The following GALNT17 variants were observed in gnomAD, a reference collection of about 807,000 sequenced individuals.
The protein encoded by GALNT17 is UDP-GalNAc:polypeptide N-acetylgalactosaminyltransferase-like 3.
GALNT17 carries 29 observed loss-of-function variants against 63.7 expected under a neutral mutation model. The ratio of observed to expected loss-of-function variants is 0.46; its 90% CI spans 0.34 to 0.62. GALNT17 has a LOEUF of 0.62. Ranked by LOEUF, GALNT17 falls within the 20% of genes least tolerant of loss-of-function variation. The pLI, the probability that GALNT17 is intolerant of heterozygous loss-of-function variation, is 0.01. For synonymous variants in GALNT17, 305 were observed against 318.3 expected, an observed-to-expected ratio of 0.96 and a Z score of 0.45; for missense variants, 603 against 799.6, an observed-to-expected ratio of 0.75 and a Z score of 2.97.
Position 71,303,138 on chromosome 7 carries a change from C to T in GALNT17, c.239-32412C>T, listed in dbSNP as rs991541243. ...TCAGCCTCCCAAATTGCTGAGATTA[C>T]AGGCATGAGCCACTGCACCCAGCCT... On this transcript the variant is annotated intron_variant, in intron 1 of 10. Transcript: ENST00000333538. 2.7e-5 allele frequency among the ~76,000 whole-genome samples: 4 copies of T among 148,808 alleles called. No homozygotes were observed. The Admixed American group carries it at 2.8e-4, about 10-fold the overall frequency.
intron 1 of GALNT17, among the ~76,000 whole-genome samples, chr7:71,302,755 A>G (rs984645778): frequency 7.2e-5 from 11 of 152,168 alleles, no homozygotes; most frequent in Non-Finnish European, 1.5e-4. Context: ...AGTCTGTTGA[A>G]CTTCCCCCTT....
intron 5 of GALNT17, among the ~76,000 whole-genome samples, chr7:71,425,125 G>A (rs964019700): frequency 6.6e-6 from 1 of 152,204 alleles, no homozygotes; most frequent in Non-Finnish European, 1.5e-5. Flanking sequence ...AAGGCCGATT[G>A]TAAGGGTAAG....
chr7:71,473,276 T>C (rs911397654), intron 5 of GALNT17, among the ~76,000 whole-genome samples: 1 of 152,296 alleles, frequency 6.6e-6, no homozygotes, highest in African/African-American at 2.4e-5. Flanking sequence ...AGAGAATAGA[T>C]GTTAAATATC....
chr7:71,254,639 T>G (rs1259865523), intron 1 of GALNT17, among the ~76,000 whole-genome samples: 1 of 152,070 alleles, frequency 6.6e-6, no homozygotes, highest in East Asian at 1.9e-4. Flanking sequence ...CCCATCATGG[T>G]CTCACCTAGT....
At chr7:71,491,084 C>T (rs1456932199) in intron 5 of GALNT17, among the ~76,000 whole-genome samples, 1 of 150,916 alleles carries the variant, frequency 6.6e-6, no homozygotes, top group East Asian at 2.0e-4. Context: ...ATCCCAGCTA[C>T]TAGGGAGGCT....
At chr7:71,684,008 CA>C (rs5741642) in intron 9 of GALNT17, among the ~76,000 whole-genome samples, 66,429 of 121,070 alleles carry the variant, frequency 0.55, 18,124 homozygotes, top group East Asian at 0.96. Flanking sequence ...CACTCTGTCT[CA>C]AAAAAAAAAA....
At chr7:71,588,822 A>G (rs1789757732) in intron 6 of GALNT17, among the ~76,000 whole-genome samples, 1 of 152,062 alleles carries the variant, frequency 6.6e-6, no homozygotes, top group Non-Finnish European at 1.5e-5. Flanking sequence ...GGTGATTACT[A>G]TTATTGCTAC....
chr7:71,543,725 G>C (rs1248236671), intron 5 of GALNT17, among the ~76,000 whole-genome samples: 1 of 150,168 alleles, frequency 6.7e-6, no homozygotes, highest in Admixed American at 6.6e-5. Flanking sequence ...CTTATCTGCT[G>C]TCCTGCAAAC....
intron 6 of GALNT17, among the ~76,000 whole-genome samples, chr7:71,625,426 G>T (rs915880495): frequency 2.0e-5 from 3 of 152,086 alleles, no homozygotes; most frequent in Non-Finnish European, 4.4e-5. Flanking sequence ...GATTATAGGC[G>T]TGAGCCACCG....
chr7:71,218,749 G>A (rs2116414815), intron 1 of GALNT17, among the ~76,000 whole-genome samples: 1 of 152,074 alleles, frequency 6.6e-6, no homozygotes, highest in South Asian at 2.1e-4. Flanking sequence ...TGAAACCTTT[G>A]TGAACTGTGC....
intron 9 of GALNT17, among the ~76,000 whole-genome samples, chr7:71,696,689 C>T (rs1046149917): frequency 6.6e-6 from 1 of 152,030 alleles, no homozygotes; most frequent in African/African-American, 2.4e-5. Flanking sequence ...AATTCTTTCC[C>T]CCTAAATGAG....
chr7:71,156,616 TCCTCCATTCTTTG>T (rs1788240238), intron 1 of GALNT17, among the ~76,000 whole-genome samples: 1 of 143,760 alleles, frequency 7.0e-6, no homozygotes, highest in Non-Finnish European at 1.5e-5. Flanking sequence ...CTTCCTTCCT[TCCTCCATTCTTTG>T]CCTTCCTTCC....
At chr7:71,153,478 C>G (rs1562867864) in intron 1 of GALNT17, among the ~76,000 whole-genome samples, 1 of 152,022 alleles carries the variant, frequency 6.6e-6, no homozygotes, top group Non-Finnish European at 1.5e-5. Context: ...TTTTATGGAT[C>G]AGAAAGGTAG....
intron 6 of GALNT17, among the ~76,000 whole-genome samples, chr7:71,597,786 C>T (rs960659534): frequency 6.6e-6 from 1 of 152,148 alleles, no homozygotes. Context: ...CCCTGGCAGC[C>T]GGTGCTTCGT....
chr7:71,561,176 C>T (rs987421970), intron 5 of GALNT17, among the ~76,000 whole-genome samples: 4 of 152,100 alleles, frequency 2.6e-5, no homozygotes, highest in African/African-American at 7.2e-5. Flanking sequence ...CCATGCCTGG[C>T]TAATTTTTGT....
chr7:71,686,535 C>T (rs1223369507), intron 9 of GALNT17, among the ~76,000 whole-genome samples: 1 of 133,090 alleles, frequency 7.5e-6, no homozygotes. Context: ...CACACACCAC[C>T]ATACCAGGCT....
At chr7:71,153,125 G>A (rs377557061) in intron 1 of GALNT17, among the ~76,000 whole-genome samples, 2 of 149,542 alleles carry the variant, frequency 1.3e-5, no homozygotes, top group South Asian at 2.1e-4. Context: ...GGGCTTTGGA[G>A]TTAGACAGAA....
intron 5 of GALNT17, among the ~76,000 whole-genome samples, chr7:71,491,516 C>T (rs1376287957): frequency 6.6e-6 from 1 of 152,146 alleles, no homozygotes; most frequent in African/African-American, 2.4e-5. Flanking sequence ...CTGCAGACCC[C>T]GGTAAATTAA....
chr7:71,468,009 G>A (rs538713297), intron 5 of GALNT17, among the ~76,000 whole-genome samples: 3 of 152,184 alleles, frequency 2.0e-5, no homozygotes, highest in South Asian at 2.1e-4. Flanking sequence ...ATGGTCTAGG[G>A]CATTCTTTTC....
Sources: allele counts gnomAD v4.1 joint callset (sites outside exome capture counted in the v4.1 genomes callset), GRCh38; gene constraint gnomAD v4.1.1; transcripts MANE v1.5; gene names NCBI Gene and HGNC (gene_info 2026-07-23, HGNC 2026-07-21).